Variants in PTBP3 observed in about 807,000 individuals in gnomAD.
PTBP3 encodes the protein polypyrimidine tract-binding protein 3.
Under a neutral mutation model 58.7 loss-of-function variants are expected in PTBP3, and 20 were observed. The ratio of observed to expected loss-of-function variants is 0.34; its 90% CI spans 0.24 to 0.50. The LOEUF (loss-of-function observed/expected upper bound fraction) is 0.50, where lower values mean the gene tolerates loss of function less well. PTBP3 is among the 20% of genes least tolerant of loss of function. The probability of loss-of-function intolerance (pLI) is 0.98; values close to 1 mark genes in which losing one functional copy is unlikely to be tolerated. For synonymous variants in PTBP3, 185 were observed against 219.8 expected (o/e 0.84, Z 1.40); for missense variants, 509 against 637.2 (o/e 0.80, Z 2.17).
intron 3 of PTBP3, among the ~76,000 whole-genome samples, chr9:112,274,780 T>C (rs1192248660): frequency 6.6e-6 from 1 of 152,182 alleles, no homozygotes; most frequent in Admixed American, 6.5e-5. Flanking sequence ...ATGGAGTCAC[T>C]CATGCAAAGT....
intron 7 of PTBP3, 140 bp downstream of exon 7, chr9:112,250,789 C>T (rs540931239): frequency 9.0e-6 from 7 of 781,590 alleles, no homozygotes; most frequent in East Asian, 3.1e-5. Flanking sequence ...AATGGGTATA[C>T]TTTGTTCTAG....
intron 5 of PTBP3, among the ~76,000 whole-genome samples, chr9:112,256,294 C>CACATAT (rs1554792708): frequency 8.5e-5 from 5 of 59,040 alleles, no homozygotes; most frequent in African/African-American, 6.5e-4. Context: ...TATATATATA[C>CACATAT]ATATATATAT....
intron 1 of PTBP3, among the ~76,000 whole-genome samples, chr9:112,299,340 C>G (rs1340765568): frequency 6.6e-6 from 1 of 151,744 alleles, no homozygotes; most frequent in African/African-American, 2.4e-5. Context: ...ACAAAAAGCA[C>G]AAGTATAAAG....
At chr9:112,271,639 T>C (rs943750448) in intron 3 of PTBP3, among the ~76,000 whole-genome samples, 2 of 151,976 alleles carry the variant, frequency 1.3e-5, no homozygotes, top group Non-Finnish European at 2.9e-5. Flanking sequence ...GGCAGCAGTA[T>C]CACTTGAACC....
At chr9:112,252,958 C>T (rs1214707907) in intron 5 of PTBP3, among the ~76,000 whole-genome samples, 170 bp from the exon 6 acceptor site, 2 of 152,204 alleles carry the variant, frequency 1.3e-5, no homozygotes, top group Non-Finnish European at 2.9e-5. Context: ...CCATGACTAT[C>T]TTACAACAAC....
the PTBP3 span, among the ~76,000 whole-genome samples, chr9:112,376,111 C>T: frequency 6.9e-6 from 1 of 145,960 alleles, no homozygotes; most frequent in East Asian, 2.0e-4. Flanking sequence ...TGTTCTGGAC[C>T]CTACTTCTGG....
At chr9:112,304,233 T>C (rs774633771) in intron 1 of PTBP3, among the ~76,000 whole-genome samples, 6 of 151,674 alleles carry the variant, frequency 4.0e-5, no homozygotes, top group Non-Finnish European at 8.8e-5. Flanking sequence ...GTATGGGACA[T>C]TTATTAAAGT....
chr9:112,229,729 C>A (rs1207789761), intron 10 of PTBP3, among the ~76,000 whole-genome samples: 2 of 152,052 alleles, frequency 1.3e-5, no homozygotes, highest in African/African-American at 4.8e-5. Context: ...ATTTGTTTTG[C>A]AAAATGTGGG....
chr9:112,260,357 C>G (rs1836544061), intron 5 of PTBP3, among the ~76,000 whole-genome samples: 1 of 152,170 alleles, frequency 6.6e-6, no homozygotes, highest in South Asian at 2.1e-4. Context: ...AAGTTACTTG[C>G]CCAAGGCTAT....
rs539209613 is a variant in PTBP3, at chr9:112,239,335, C to T, written c.803-4438G>A. Among the ~76,000 whole-genome samples, 149 of 152,210 alleles carry T rather than the reference C, an allele frequency of 9.8e-4. 1 individual carries two copies. The highest frequency in any genetic ancestry group is 3.5e-3 in the African/African-American group (147 of 41,520). On this transcript the variant is annotated intron_variant, in intron 7 of 13. Coordinates refer to ENST00000374257, the MANE Select transcript of PTBP3 (RefSeq NM_001163788.4). ...GTAAACTGAATAGGCATCCTACTCC[C>T]CAAGTCTGCCCTGGTGAAGTTTGAG...
chr9:112,326,259 T>C (rs1354825535), intron 1 of PTBP3, among the ~76,000 whole-genome samples: 1 of 152,206 alleles, frequency 6.6e-6, no homozygotes, highest in Non-Finnish European at 1.5e-5. Flanking sequence ...TTGCAGCAAA[T>C]GCCTTCTACA....
At chr9:112,320,269 C>A (rs1197623787) in intron 1 of PTBP3, among the ~76,000 whole-genome samples, 2 of 74,176 alleles carry the variant, frequency 2.7e-5, no homozygotes, top group African/African-American at 7.4e-5. Context: ...CAGGACGAGA[C>A]CCTTTCTCTT....
chr9:112,374,387 T>C, the PTBP3 span, among the ~76,000 whole-genome samples: 1,603 of 152,330 alleles, frequency 0.011, 67 homozygotes, highest in East Asian at 0.082. Flanking sequence ...AGTGGATCAT[T>C]GGGCGTTACG....
chr9:112,240,441 G>A (rs139774908), intron 7 of PTBP3, among the ~76,000 whole-genome samples: 2 of 152,216 alleles, frequency 1.3e-5, no homozygotes, highest in African/African-American at 4.8e-5. Flanking sequence ...TATAGCCATT[G>A]TAACACTGTA....
intron 1 of PTBP3, among the ~76,000 whole-genome samples, chr9:112,317,289 G>A (rs1484212202): frequency 6.6e-6 from 1 of 151,138 alleles, no homozygotes. Flanking sequence ...AGGCACAATG[G>A]TACATGCCTG....
chr9:112,260,265 T>C (rs1024105180), intron 5 of PTBP3, among the ~76,000 whole-genome samples: 3 of 152,218 alleles, frequency 2.0e-5, no homozygotes, highest in African/African-American at 7.2e-5. Flanking sequence ...GTACTTTAAA[T>C]GTATTAACTC....
intron 2 of PTBP3, among the ~76,000 whole-genome samples, chr9:112,289,061 A>C (rs1410489673): frequency 6.6e-6 from 1 of 152,238 alleles, no homozygotes; most frequent in Non-Finnish European, 1.5e-5. Context: ...AAAGGACTAC[A>C]TTCTTAGCTT....
At chr9:112,230,164 T>TA (rs1388465444) in intron 10 of PTBP3, among the ~76,000 whole-genome samples, 5 of 151,680 alleles carry the variant, frequency 3.3e-5, no homozygotes, top group Admixed American at 2.6e-4. Flanking sequence ...AAAATTCCAT[T>TA]AAAAAAAACC....
At chr9:112,250,901 C>T (rs768229206) in intron 7 of PTBP3, 28 bp downstream of exon 7, 2 of 1,472,414 alleles carry the variant, frequency 1.4e-6, no homozygotes, top group East Asian at 2.5e-5. Context: ...AGAAAACTTG[C>T]TTTGTGACCC....
Sources: gnomAD v4.1 joint callset for allele counts (sites outside exome capture counted in the v4.1 genomes callset) on GRCh38, gnomAD v4.1.1 for gene constraint, MANE v1.5 for transcripts, NCBI Gene and HGNC (gene_info 2026-07-23, HGNC 2026-07-21) for gene names.